RAP1B: variants seen among roughly 807,000 people sequenced by gnomAD.
RAP1B encodes the protein RAP1B, member of RAS oncogene family, also known as ras-related protein Rap-1b.
RAP1B carries 1 observed loss-of-function variant against 27.5 expected under a neutral mutation model. That is an observed-to-expected ratio of 0.04 (90% CI 0.01 to 0.17). The LOEUF is 0.17. Ranked by LOEUF, RAP1B falls within the 10% of genes least tolerant of loss-of-function variation. RAP1B has a pLI of 1.00. For missense variants in RAP1B, 84 were observed against 214.8 expected (o/e 0.39, Z 3.81); for synonymous variants, 75 against 73.1 (o/e 1.03, Z -0.13).
chr12:68,622,412 A>G (rs1871446944), intron 1 of RAP1B, among the ~76,000 whole-genome samples: 1 of 152,220 alleles, frequency 6.6e-6, no homozygotes, highest in Admixed American at 6.5e-5. Context: ...CCAGTTCCTT[A>G]TCAAGGCCTA....
intron 1 of RAP1B, among the ~76,000 whole-genome samples, chr12:68,630,169 A>C (rs1363015844): frequency 6.6e-6 from 1 of 152,212 alleles, no homozygotes; most frequent in Non-Finnish European, 1.5e-5. Flanking sequence ...GCCACCTGTG[A>C]GTTAATGGGC....
intron 1 of RAP1B, among the ~76,000 whole-genome samples, chr12:68,620,078 C>T (rs1871286230): frequency 6.6e-6 from 1 of 151,304 alleles, no homozygotes; most frequent in South Asian, 2.1e-4. Flanking sequence ...TCTTTTTGAC[C>T]TGAGAATTTG....
intron 1 of RAP1B, among the ~76,000 whole-genome samples, chr12:68,628,106 TAAAAA>T (rs1871947466): frequency 6.6e-6 from 1 of 152,050 alleles, no homozygotes; most frequent in Non-Finnish European, 1.5e-5. Context: ...CCCTGTCTCT[TAAAAA>T]GAAGGAAATG....
chr12:68,611,917 A>G (rs1370057431), intron 1 of RAP1B, among the ~76,000 whole-genome samples: 1 of 152,222 alleles, frequency 6.6e-6, no homozygotes, highest in African/African-American at 2.4e-5. Flanking sequence ...TTTTCTTCTG[A>G]AAAACACTGA....
intron 1 of RAP1B, among the ~76,000 whole-genome samples, chr12:68,615,314 T>G (rs1455260724): frequency 1.3e-5 from 2 of 152,146 alleles, no homozygotes; most frequent in South Asian, 2.1e-4. Flanking sequence ...ATGTACCAGT[T>G]TTTTTTAATT....
intron 1 of RAP1B, among the ~76,000 whole-genome samples, chr12:68,646,142 G>GCATACGTC (rs1873390496): frequency 6.6e-6 from 1 of 152,118 alleles, no homozygotes; most frequent in South Asian, 2.1e-4. Context: ...AATAAGAAAG[G>GCATACGTC]CATACGTCTC....
chr12:68,620,167 G>C (rs921044467), intron 1 of RAP1B, among the ~76,000 whole-genome samples: 2 of 149,450 alleles, frequency 1.3e-5, no homozygotes, highest in Non-Finnish European at 3.0e-5. Context: ...TCAGGAGAAT[G>C]CTGTTTCTTG....
intron 1 of RAP1B, among the ~76,000 whole-genome samples, chr12:68,638,579 T>G (rs563263126): frequency 3.3e-5 from 5 of 152,350 alleles, no homozygotes; most frequent in African/African-American, 1.2e-4. Context: ...ACAACCATTA[T>G]GAAGTTAGAG....
intron 1 of RAP1B, among the ~76,000 whole-genome samples, chr12:68,632,898 G>A (rs1314740838): frequency 3.3e-5 from 5 of 152,068 alleles, no homozygotes. Context: ...TGGAACTCCT[G>A]GCCCCAAGCA....
At chr12:68,651,699 A>G (rs1873826189) in intron 3 of RAP1B, 2 of 319,992 alleles carry the variant, frequency 6.3e-6, no homozygotes, top group Non-Finnish European at 1.2e-5. Flanking sequence ...CTATTTCGAA[A>G]CTATTTTTTT....
chr12:68,618,299 A>G (rs1388647222), intron 1 of RAP1B, among the ~76,000 whole-genome samples: 1 of 151,368 alleles, frequency 6.6e-6, no homozygotes. Context: ...CATATTGGCC[A>G]GGCTGGTCTC....
At chr12:68,648,999 G>A in intron 2 of RAP1B, 1 of 483,512 alleles carries the variant, frequency 2.1e-6, no homozygotes, top group Non-Finnish European at 3.6e-6. Context: ...AGTTATGCTG[G>A]AATACAATTT....
chr12:68,612,263 C>T (rs2956529), intron 1 of RAP1B, among the ~76,000 whole-genome samples: 58,035 of 151,944 alleles, frequency 0.38, 11,733 homozygotes, highest in South Asian at 0.56. Context: ...TCTCTTTTTT[C>T]GTAATTAGAA....
At chr12:68,649,659 A>C (rs1031591672) in intron 2 of RAP1B, 1 of 152,242 alleles carries the variant, frequency 6.6e-6, no homozygotes, top group African/African-American at 2.4e-5. Flanking sequence ...CCTAGCTGAG[A>C]AGTGTCATGC....
chr12:68,651,784 T>C (rs1873833317), intron 3 of RAP1B: 1 of 511,302 alleles, frequency 2.0e-6, no homozygotes, highest in South Asian at 2.9e-5. Flanking sequence ...TGAGAACACA[T>C]GGCTTTTGAA....
intron 1 of RAP1B, among the ~76,000 whole-genome samples, chr12:68,625,455 T>C (rs1199917797): frequency 6.6e-6 from 1 of 152,252 alleles, no homozygotes; most frequent in East Asian, 1.9e-4. Flanking sequence ...AGGAAGTACC[T>C]ATGCTCCCAC....
At chr12:68,633,035 T>C (rs1304140324) in intron 1 of RAP1B, among the ~76,000 whole-genome samples, 1 of 152,236 alleles carries the variant, frequency 6.6e-6, no homozygotes, top group East Asian at 1.9e-4. Context: ...CGTGTTTTAT[T>C]GTGAGAAGCT....
intron 4 of RAP1B, among the ~76,000 whole-genome samples, chr12:68,652,636 G>GA (rs1565672847): frequency 1.3e-5 from 2 of 152,002 alleles, no homozygotes; most frequent in Non-Finnish European, 2.9e-5. Flanking sequence ...GCAACACAGT[G>GA]AAACCCCGTA....
chr12:68,654,334 A>G, intron 5 of RAP1B, 82 bp downstream of exon 5: 1 of 327,360 alleles, frequency 3.1e-6, no homozygotes, highest in Non-Finnish European at 4.9e-6. Context: ...TTCATTTTAA[A>G]GCTTGTGTAT....
Sources: gnomAD v4.1 joint callset for allele counts (sites outside exome capture counted in the v4.1 genomes callset) on GRCh38, gnomAD v4.1.1 for gene constraint, MANE v1.5 for transcripts, NCBI Gene and HGNC (gene_info 2026-07-23, HGNC 2026-07-21) for gene names.